The following RIMS2 variants were observed in gnomAD, a reference collection of about 807,000 sequenced individuals.
RIMS2 encodes regulating synaptic membrane exocytosis 2, also known as regulating synaptic membrane exocytosis protein 2.
A neutral mutation model predicts 174.4 loss-of-function variants in RIMS2; 59 were observed. That is an observed-to-expected ratio of 0.34 (90% CI 0.27 to 0.42). The LOEUF (loss-of-function observed/expected upper bound fraction) is 0.42. RIMS2 is among the 10% of genes least tolerant of loss of function. The pLI is 1.00. For synonymous variants in RIMS2, 606 were observed against 572.5 expected (o/e 1.06, Z -0.84); for missense variants, 1,620 against 1,666.3 (o/e 0.97, Z 0.48).
At chr8:103,824,737 T>C (rs2098776503) in intron 3 of RIMS2, among the ~76,000 whole-genome samples, 1 of 152,170 alleles carries the variant, frequency 6.6e-6, no homozygotes, top group Non-Finnish European at 1.5e-5. Flanking sequence ...TTGGAGACTT[T>C]TTTATTCTAC....
chr8:104,216,337 C>T (rs2099129572), intron 19 of RIMS2, among the ~76,000 whole-genome samples: 2 of 152,160 alleles, frequency 1.3e-5, no homozygotes, highest in Admixed American at 1.3e-4. Flanking sequence ...GCCTGGGCAA[C>T]ATGGTCTTAT....
At chr8:103,720,437 C>T (rs1252469700) in intron 2 of RIMS2, among the ~76,000 whole-genome samples, 1 of 152,114 alleles carries the variant, frequency 6.6e-6, no homozygotes, top group Non-Finnish European at 1.5e-5. Context: ...CTAGTAAATA[C>T]TGACTTAACA....
rs192413054 is a variant in RIMS2 at position 104,211,567 on chromosome 8, A to T, written c.3335-33349A>T. ...GGTTCGTGACATGACCCAATGTGGA[A>T]TTTTTTTTTTTTTTTGAGACAGAGT... On this transcript the variant is annotated intron_variant, in intron 19 of 23. Coordinates refer to ENST00000504942, the Ensembl canonical transcript of RIMS2. Among the ~76,000 whole-genome samples the T allele has an allele frequency of 3.6e-3, 516 of 141,820 alleles. 3 individuals are homozygous for T. The highest frequency in any genetic ancestry group is 0.012 in the African/African-American group (494 of 40,052). The allele number at this position is 141,820 out of a possible 152,430, so 93.0% of individuals were successfully genotyped here.
intron 3 of RIMS2, among the ~76,000 whole-genome samples, chr8:103,805,793 A>G (rs537868770): frequency 3.9e-5 from 6 of 151,974 alleles, no homozygotes; most frequent in Middle Eastern, 6.8e-3. Flanking sequence ...TCAAATTCCT[A>G]TTGAGTTTTC....
intron 1 of RIMS2, among the ~76,000 whole-genome samples, 188 bp from the exon 2 acceptor site, chr8:103,652,017 G>T (rs754442586): frequency 6.6e-6 from 1 of 152,018 alleles, no homozygotes; most frequent in Non-Finnish European, 1.5e-5. Flanking sequence ...TTCTGTTAAG[G>T]ACAAATGATT....
intron 4 of RIMS2, among the ~76,000 whole-genome samples, chr8:103,908,693 T>C (rs1308991054): frequency 6.6e-6 from 1 of 152,160 alleles, no homozygotes; most frequent in Non-Finnish European, 1.5e-5. Context: ...TCAATCCCTC[T>C]TTTCTTACCA....
chr8:103,555,162 C>T (rs1162873605), intron 1 of RIMS2, among the ~76,000 whole-genome samples: 10 of 152,006 alleles, frequency 6.6e-5, no homozygotes, highest in Non-Finnish European at 1.5e-4. Context: ...AAAACCTGCA[C>T]ATGTACCCCT....
At chr8:103,555,947 G>A (rs1019537096) in intron 1 of RIMS2, among the ~76,000 whole-genome samples, 3 of 152,076 alleles carry the variant, frequency 2.0e-5, no homozygotes, top group Admixed American at 1.3e-4. Flanking sequence ...ATAGAAAGAC[G>A]AATACTGGAC....
chr8:103,609,801 G>A (rs180704947), intron 1 of RIMS2, among the ~76,000 whole-genome samples: 46 of 152,216 alleles, frequency 3.0e-4, no homozygotes, highest in African/African-American at 7.7e-4. Flanking sequence ...TAGGATTGCC[G>A]TGGCTATTTC....
intron 2 of RIMS2, among the ~76,000 whole-genome samples, chr8:103,765,709 G>A (rs970271777): frequency 5.3e-5 from 8 of 151,702 alleles, no homozygotes; most frequent in South Asian, 2.1e-4. Flanking sequence ...CTAATTTTCC[G>A]TATAACAAGT....
intron 1 of RIMS2, among the ~76,000 whole-genome samples, chr8:103,694,782 T>C (rs28857239): frequency 6.6e-6 from 1 of 152,040 alleles, no homozygotes; most frequent in Non-Finnish European, 1.5e-5. Flanking sequence ...GGCCTGATAC[T>C]GGGTTGTGCC....
intron 19 of RIMS2, among the ~76,000 whole-genome samples, chr8:104,205,874 G>A (rs1449408895): frequency 2.6e-5 from 4 of 151,656 alleles, no homozygotes; most frequent in Admixed American, 2.0e-4. Flanking sequence ...TCCTGCCTCA[G>A]CCTCCCAAGT....
chr8:103,905,925 T>C (rs1226843736), intron 4 of RIMS2, among the ~76,000 whole-genome samples: 1 of 152,080 alleles, frequency 6.6e-6, no homozygotes, highest in African/African-American at 2.4e-5. Flanking sequence ...TCAGTAATTT[T>C]TTAGTTCTAA....
chr8:103,688,860 C>CTG (rs2096975748), intron 1 of RIMS2, among the ~76,000 whole-genome samples: 1 of 6,406 alleles, frequency 1.6e-4, no homozygotes, highest in African/African-American at 3.5e-3. Context: ...CTGATTTCTG[C>CTG]TGATACGTAT....
chr8:104,179,507 G>A (rs1223840389), intron 19 of RIMS2, among the ~76,000 whole-genome samples: 1 of 151,722 alleles, frequency 6.6e-6, no homozygotes, highest in Non-Finnish European at 1.5e-5. Flanking sequence ...TAAAATATGG[G>A]ATTTTGTGAA....
At chr8:103,988,963 A>G (rs2094527254) in intron 16 of RIMS2, among the ~76,000 whole-genome samples, 1 of 152,216 alleles carries the variant, frequency 6.6e-6, no homozygotes, top group Non-Finnish European at 1.5e-5. Flanking sequence ...TCTCCATACA[A>G]ATCTTCTCCT....
At chr8:103,855,613 T>A (rs367743355) in intron 3 of RIMS2, among the ~76,000 whole-genome samples, 1 of 152,174 alleles carries the variant, frequency 6.6e-6, no homozygotes, top group Non-Finnish European at 1.5e-5. Flanking sequence ...TTTCAGTGTT[T>A]ACCTATGAGT....
intron 3 of RIMS2, among the ~76,000 whole-genome samples, chr8:103,806,137 A>G (rs2098648620): frequency 6.6e-6 from 1 of 152,160 alleles, no homozygotes; most frequent in African/African-American, 2.4e-5. Context: ...AATTAGAGTC[A>G]TGAGGGTGGA....
At chr8:104,057,045 TTTTTTC>T (rs1303417192) in intron 19 of RIMS2, among the ~76,000 whole-genome samples, 4 of 151,344 alleles carry the variant, frequency 2.6e-5, no homozygotes, top group Admixed American at 6.6e-5. Flanking sequence ...AAGTACATCC[TTTTTTC>T]TTTTTCTTTT....
Sources: allele counts gnomAD v4.1 joint callset (sites outside exome capture counted in the v4.1 genomes callset), GRCh38; gene constraint gnomAD v4.1.1; transcripts MANE v1.5; gene names NCBI Gene and HGNC (gene_info 2026-07-23, HGNC 2026-07-21).